MYO1F: variants seen among roughly 807,000 people sequenced by gnomAD.
MYO1F encodes unconventional myosin-If.
MYO1F carries 60 observed loss-of-function variants against 146.6 expected under a neutral mutation model. The observed-to-expected ratio is 0.41, with a 90% CI of 0.33 to 0.51. The LOEUF (loss-of-function observed/expected upper bound fraction) is 0.51. Ranked by LOEUF, MYO1F falls within the 20% of genes least tolerant of loss-of-function variation. The probability of loss-of-function intolerance (pLI) is 0.25; values close to 1 mark genes in which losing one functional copy is unlikely to be tolerated. For missense variants in MYO1F, 1,274 were observed against 1,534.3 expected (o/e 0.83, Z 2.83); for synonymous variants, 602 against 602.1 (o/e 1.00, Z 0.00).
chr19:8,552,193 C>T (rs751995402), intron 6 of MYO1F, 29 bp from the exon 7 acceptor site: 1 of 1,613,982 alleles, frequency 6.2e-7, no homozygotes, highest in South Asian at 1.1e-5. Flanking sequence ...TGTCAGCACC[C>T]CAGTGTCCTG....
intron 10 of MYO1F, among the ~76,000 whole-genome samples, chr19:8,548,759 C>G (rs1357687752): frequency 6.6e-6 from 1 of 151,812 alleles, no homozygotes; most frequent in Non-Finnish European, 1.5e-5. Flanking sequence ...TGCCACCACG[C>G]CCGGCTAATT....
intron 25 of MYO1F, 38 bp from the exon 26 acceptor site, chr19:8,522,867 G>C (rs1405038694): frequency 6.6e-7 from 1 of 1,516,720 alleles, no homozygotes; most frequent in African/African-American, 1.4e-5. Flanking sequence ...GTATTAGGGT[G>C]ATGCTAGGAG....
intron 1 of MYO1F, among the ~76,000 whole-genome samples, chr19:8,558,877 G>A (rs957111445): frequency 2.0e-5 from 3 of 152,058 alleles, no homozygotes; most frequent in Admixed American, 6.6e-5. Flanking sequence ...GGGAATTGAA[G>A]TATTTTTGTA....
chr19:8,555,899 C>T, intron 1 of MYO1F, 103 bp from the exon 2 acceptor site: 1 of 1,190,654 alleles, frequency 8.4e-7, no homozygotes, highest in Non-Finnish European at 1.2e-6. Context: ...TCCCCCGCCC[C>T]ACCTCCATTC....
At position 8,536,355 on chromosome 19, in the gene MYO1F, C is replaced by T; in HGVS notation, c.1940G>A (p.Gly647Glu). Residue 647 changes from glycine to glutamate, a missense_variant, in exon 19 of 28, where the codon GGG becomes GAG. By Grantham distance (98) the Gly-to-Glu change is moderately conservative (BLOSUM62 -2). This residue lies in a region of MYO1F where 900 missense variants were observed against 1,155.1 expected (regional missense o/e 0.78). Coordinates refer to ENST00000644032, the MANE Select transcript of MYO1F (RefSeq NM_012335.4). ...GTGCTGGACGCCCTGGCGTTCGTCC[C>T]CACGCCACCGCGGCCACGTCTCGGG... ...LTPETWPRWRGDERQGVQHLL... is the reference protein window; with the variant it reads ...LTPETWPRWREDERQGVQHLL... 1.2e-6 allele frequency: 2 copies of T among 1,605,274 alleles called. No individual in the cohort carries two copies. Among genetic ancestry groups the T allele is most frequent in the Non-Finnish European group, 8.5e-7 (1 of 1,179,630 alleles).
intron 21 of MYO1F, 132 bp from the exon 22 acceptor site, chr19:8,527,615 T>C: frequency 9.0e-7 from 1 of 1,115,568 alleles, no homozygotes; most frequent in Non-Finnish European, 1.3e-6. Context: ...TGAAGGTGTA[T>C]GAGTCGTCTG....
intron 12 of MYO1F, 49 bp downstream of exon 12, chr19:8,547,987 C>G (rs748281332): frequency 7.0e-6 from 7 of 994,030 alleles, no homozygotes; most frequent in Non-Finnish European, 9.6e-6. Context: ...GGTCCTTCCA[C>G]CCCACCCCCA....
intron 2 of MYO1F, 65 bp from the exon 3 acceptor site, chr19:8,554,808 G>GC (rs1973776338): frequency 6.9e-7 from 1 of 1,439,946 alleles, no homozygotes; most frequent in South Asian, 1.1e-5. Context: ...CCCTCATCCT[G>GC]CCCCCACCCA....
chr19:8,534,761 G>A (rs543411148), intron 19 of MYO1F, among the ~76,000 whole-genome samples: 96 of 142,978 alleles, frequency 6.7e-4, no homozygotes, highest in Non-Finnish European at 1.3e-3. Flanking sequence ...GAGTAGCTGG[G>A]ATTACAGGTG....
chr19:8,562,926 A>G (rs965684478), intron 1 of MYO1F, among the ~76,000 whole-genome samples: 1 of 152,180 alleles, frequency 6.6e-6, no homozygotes. Flanking sequence ...ACTTGTTTAC[A>G]GGTGGGAGCA....
chr19:8,552,697 T>C (rs778198680), intron 6 of MYO1F, among the ~76,000 whole-genome samples: 2 of 151,576 alleles, frequency 1.3e-5, no homozygotes, highest in Non-Finnish European at 2.9e-5. Context: ...CATAGATTTT[T>C]TTCCCCCCCA....
At chr19:8,537,380 G>A (rs537949299) in intron 16 of MYO1F, among the ~76,000 whole-genome samples, 1 of 152,264 alleles carries the variant, frequency 6.6e-6, no homozygotes, top group African/African-American at 2.4e-5. Flanking sequence ...GCCCTTATGA[G>A]AGCATTTCTT....
At chr19:8,559,493 G>A (rs1455290096) in intron 1 of MYO1F, among the ~76,000 whole-genome samples, 1 of 152,176 alleles carries the variant, frequency 6.6e-6, no homozygotes, top group East Asian at 1.9e-4. Flanking sequence ...AGATGCTGCT[G>A]TGAGTCTCCA....
rs759149469 is a variant in MYO1F, at chr19:8,526,829, C to T, written c.2581G>A (p.Glu861Lys). 6 of 1,613,732 alleles carry T rather than the reference C, an allele frequency of 3.7e-6. No homozygotes were observed. In the Admixed American group the frequency reaches 1.0e-4, roughly 27 times the overall value. Reference sequence around the variant, plus strand: ...AGGGGCAGGGGCCTCCGCGTCGCCTCCTCGAAGCGCTTGCACAGAAGGCTG... The same window carrying T: ...AGGGGCAGGGGCCTCCGCGTCGCCTTCTCGAAGCGCTTGCACAGAAGGCTG... ...FVSLLCKRFE[E>K]ATRRPLPLTF... Residue 861 changes from glutamate to lysine, a missense_variant, in exon 23 of 28, where the codon GAG becomes AAG. Glu to Lys is a moderately conservative substitution (Grantham distance 56). Coordinates refer to ENST00000644032, the MANE Select transcript of MYO1F (RefSeq NM_012335.4).
chr19:8,540,244 A>G, intron 15 of MYO1F: 1 of 496,612 alleles, frequency 2.0e-6, no homozygotes, highest in African/African-American at 1.9e-5. Flanking sequence ...CATTGGTGCG[A>G]TGATAGGAAC....
At position 8,551,880 on chromosome 19, in the gene MYO1F, G is replaced by T; in HGVS notation, c.637-6C>A. The T allele has an allele frequency of 6.2e-7, 1 of 1,614,094 alleles. No homozygotes were observed. The highest frequency in any genetic ancestry group is 8.5e-7 in the Non-Finnish European group (1 of 1,180,022). ...TGGGAGGCCCCTTCCAGCAGCTGGA[G>T]GGTGTGCCATGTTCATGCATCTGGT... is the stretch of plus-strand genomic sequence containing the variant. On this transcript the variant is annotated splice_polypyrimidine_tract_variant and splice_region_variant and intron_variant, in intron 7 of 27. Transcript: ENST00000644032.
Position 8,547,892 on chromosome 19 carries a change from T to C in MYO1F, c.1269+144A>G, listed in dbSNP as rs79180777. On this transcript the variant is annotated intron_variant, in intron 12 of 27. Transcript: ENST00000644032. ...CTTTAGAGGCAGAAGGAAGTATCAC[T>C]ATGGAGCCTGGGTAGGTTGGCACAG... 0.021 allele frequency: 15,573 copies of C among 736,872 alleles called. 335 individuals are homozygous for C. Among genetic ancestry groups the C allele is most frequent in the African/African-American group, 0.078 (4,507 of 57,626 alleles). 45.6% of individuals were successfully genotyped at this position (736,872 alleles called of 1,614,324 possible). A position where few individuals can be genotyped will look rare whatever the true frequency, so the allele number is the denominator to read the frequency against.
intron 1 of MYO1F, among the ~76,000 whole-genome samples, chr19:8,571,419 CTCTT>C (rs1221700014): frequency 2.1e-5 from 3 of 145,024 alleles, no homozygotes; most frequent in African/African-American, 5.6e-5. Flanking sequence ...CTCTCTCTCT[CTCTT>C]TTTTTTTTTT....
At chr19:8,549,271 T>C (rs909649629) in intron 10 of MYO1F, among the ~76,000 whole-genome samples, 1 of 151,744 alleles carries the variant, frequency 6.6e-6, no homozygotes, top group Non-Finnish European at 1.5e-5. Flanking sequence ...ATACTTTATT[T>C]ATTTTTATTT....
Sources: allele counts gnomAD v4.1 joint callset (sites outside exome capture counted in the v4.1 genomes callset), GRCh38; gene constraint gnomAD v4.1.1; regional missense constraint gnomAD v4.1.1; transcripts MANE v1.5; gene names NCBI Gene and HGNC (gene_info 2026-07-23, HGNC 2026-07-21).